Variants in CLVS1 observed in about 807,000 individuals in gnomAD.
CLVS1 encodes clavesin-1.
A neutral mutation model predicts 33.1 loss-of-function variants in CLVS1; 10 were observed. That is an observed-to-expected ratio of 0.30 (90% CI 0.19 to 0.51). The LOEUF (loss-of-function observed/expected upper bound fraction) is 0.51. Ranked by LOEUF, CLVS1 falls within the 20% of genes least tolerant of loss-of-function variation. CLVS1 has a pLI of 0.97. For missense variants in CLVS1, 343 were observed against 433.4 expected (o/e 0.79, Z 1.85); for synonymous variants, 163 against 166.1 (o/e 0.98, Z 0.14).
intron 2 of CLVS1, among the ~76,000 whole-genome samples, chr8:61,199,808 T>C (rs1448359364): frequency 6.6e-6 from 1 of 152,214 alleles, no homozygotes; most frequent in African/African-American, 2.4e-5. Flanking sequence ...TTCCACCTTT[T>C]TATGTAGAGA....
intron 1 of CLVS1, among the ~76,000 whole-genome samples, chr8:61,092,856 T>C (rs1030310300): frequency 5.3e-5 from 8 of 152,170 alleles, no homozygotes; most frequent in African/African-American, 1.9e-4. Flanking sequence ...GACTAGGACT[T>C]GAACATATTG....
intron 1 of CLVS1, among the ~76,000 whole-genome samples, chr8:61,288,417 C>T (rs532046647): frequency 2.1e-4 from 32 of 152,212 alleles, no homozygotes; most frequent in Non-Finnish European, 3.8e-4. Flanking sequence ...AGCGCGGTAA[C>T]TATAGTCACA....
intron 1 of CLVS1, among the ~76,000 whole-genome samples, chr8:61,070,392 C>A (rs996563883): frequency 6.6e-6 from 1 of 152,190 alleles, no homozygotes; most frequent in Non-Finnish European, 1.5e-5. Context: ...GAAAGTTATC[C>A]TTTTTGTTTT....
chr8:61,273,131 T>G (rs1287862726), intron 2 of CLVS1, among the ~76,000 whole-genome samples: 2 of 149,572 alleles, frequency 1.3e-5, no homozygotes, highest in Non-Finnish European at 3.0e-5. Flanking sequence ...TTTATCTACT[T>G]TTGGTCTTTG....
intron 2 of CLVS1, among the ~76,000 whole-genome samples, chr8:61,167,621 C>T (rs915406182): frequency 1.3e-5 from 2 of 152,154 alleles, no homozygotes; most frequent in Admixed American, 6.5e-5. Flanking sequence ...TTGAATAGGA[C>T]CTGGGTAAAA....
the CLVS1 span, among the ~76,000 whole-genome samples, chr8:61,014,276 C>G: frequency 4.6e-5 from 7 of 152,150 alleles, no homozygotes; most frequent in South Asian, 1.5e-3. Flanking sequence ...CTTGTTACTC[C>G]CATCACCATG....
intron 1 of CLVS1, 99 bp downstream of exon 1, chr8:61,288,237 A>C: frequency 2.2e-6 from 1 of 456,022 alleles, no homozygotes; most frequent in Non-Finnish European, 4.4e-6. Flanking sequence ...GCACTTCGGT[A>C]TGTGGACAGC....
At chr8:61,402,940 C>T (rs945832652) in intron 3 of CLVS1, among the ~76,000 whole-genome samples, 5 of 152,054 alleles carry the variant, frequency 3.3e-5, no homozygotes, top group African/African-American at 1.2e-4. Context: ...AGTGTGTGTG[C>T]GTGCTTGCAT....
At chr8:61,343,944 A>G (rs551746459) in intron 2 of CLVS1, among the ~76,000 whole-genome samples, 1 of 152,326 alleles carries the variant, frequency 6.6e-6, no homozygotes, top group South Asian at 2.1e-4. Flanking sequence ...TTCTGTCTTA[A>G]AGGAGTTTGT....
chr8:61,151,462 C>G (rs962826636), intron 2 of CLVS1, among the ~76,000 whole-genome samples: 1 of 152,148 alleles, frequency 6.6e-6, no homozygotes, highest in Admixed American at 6.5e-5. Flanking sequence ...AGACCCCATG[C>G]CTAGAAAGAG....
intron 5 of CLVS1, among the ~76,000 whole-genome samples, chr8:61,493,498 C>T (rs1427543197): frequency 1.3e-5 from 2 of 152,202 alleles, no homozygotes; most frequent in African/African-American, 4.8e-5. Context: ...GATGTGGCCA[C>T]TATCCTATCT....
chr8:61,351,333 G>A (rs1812452466), intron 2 of CLVS1, among the ~76,000 whole-genome samples: 1 of 151,946 alleles, frequency 6.6e-6, no homozygotes, highest in South Asian at 2.1e-4. Flanking sequence ...ATAATAGAGT[G>A]GAGACAAAAA....
intron 2 of CLVS1, among the ~76,000 whole-genome samples, chr8:61,365,869 C>T (rs1357480312): frequency 6.6e-6 from 1 of 151,974 alleles, no homozygotes; most frequent in Non-Finnish European, 1.5e-5. Flanking sequence ...CTACTGCCTG[C>T]TTTTGGTTTG....
intron 5 of CLVS1, among the ~76,000 whole-genome samples, chr8:61,461,818 C>T (rs763415665): frequency 3.3e-5 from 5 of 152,108 alleles, no homozygotes; most frequent in African/African-American, 4.8e-5. Flanking sequence ...CAAATGACAC[C>T]AATTGATACT....
At chr8:61,172,639 A>G (rs1424885515) in intron 2 of CLVS1, among the ~76,000 whole-genome samples, 1 of 152,212 alleles carries the variant, frequency 6.6e-6, no homozygotes, top group Non-Finnish European at 1.5e-5. Context: ...GCTTCATTAC[A>G]GAGGGTATCT....
intron 2 of CLVS1, among the ~76,000 whole-genome samples, chr8:61,246,414 C>T (rs1332869242): frequency 2.0e-5 from 3 of 151,608 alleles, no homozygotes; most frequent in Non-Finnish European, 4.4e-5. Context: ...AAGTGATACA[C>T]CTGCCTCGGC....
intron 2 of CLVS1, among the ~76,000 whole-genome samples, chr8:61,279,266 G>C (rs1809621540): frequency 6.6e-6 from 1 of 152,154 alleles, no homozygotes; most frequent in Admixed American, 6.5e-5. Context: ...CTTCCCATCA[G>C]GCAGTGAGGC....
chr8:61,181,087 A>G (rs1807219896), intron 2 of CLVS1, among the ~76,000 whole-genome samples: 2 of 152,232 alleles, frequency 1.3e-5, no homozygotes, highest in Admixed American at 6.5e-5. Context: ...GGAAAACTCC[A>G]TAGTCTCAGC....
intron 3 of CLVS1, among the ~76,000 whole-genome samples, chr8:61,402,703 A>C (rs921431493): frequency 1.3e-5 from 2 of 152,226 alleles, no homozygotes; most frequent in Non-Finnish European, 2.9e-5. Context: ...TGAATGATTC[A>C]GAATCCATGT....
Sources: allele counts gnomAD v4.1 joint callset (sites outside exome capture counted in the v4.1 genomes callset), GRCh38; gene constraint gnomAD v4.1.1; transcripts MANE v1.5; gene names NCBI Gene and HGNC (gene_info 2026-07-23, HGNC 2026-07-21).